The following SLC38A10 variants were observed in gnomAD, a reference collection of about 807,000 sequenced individuals.
SLC38A10 encodes Sodium-coupled neutral amino acid transporter 10.
A neutral mutation model predicts 81.0 loss-of-function variants in SLC38A10; 53 were observed. The ratio of observed to expected loss-of-function variants is 0.65; its 90% CI spans 0.53 to 0.82. The LOEUF is 0.82. SLC38A10 is among the 40% of genes least tolerant of loss of function. The pLI is 0.00. For missense variants in SLC38A10, 1,471 were observed against 1,545.0 expected (o/e 0.95, Z 0.80); for synonymous variants, 665 against 655.3 (o/e 1.01, Z -0.23).
chr17:81,277,241 T>C lies in SLC38A10; in HGVS notation c.627-108A>G, dbSNP rs1168225913. 3 of 930,188 alleles carry C rather than the reference T, an allele frequency of 3.2e-6. No homozygotes were observed. The highest frequency in any genetic ancestry group is 3.4e-6 in the Non-Finnish European group (2 of 591,918). The allele number at this position is 930,188 out of a possible 1,614,324, so 57.6% of individuals were successfully genotyped here. A position where few individuals can be genotyped will look rare whatever the true frequency, so the allele number is the denominator to read the frequency against. ...GCCCAGTGAGAGTCTCTGACCTTCC[T>C]TCATGCAACATTCTCTGCACACTGG... On this transcript the variant is annotated intron_variant, in intron 6 of 15. Coordinates refer to ENST00000374759, the MANE Select transcript of SLC38A10 (RefSeq NM_001037984.3). The surrounding 1 kb of genome is among the most constrained non-coding windows in gnomAD (Gnocchi z 4.5).
chr17:81,245,390 A>C lies in SLC38A10; in HGVS notation c.*166T>G. The C allele has an allele frequency of 1.2e-6, 1 of 839,162 alleles. No individual in the cohort carries two copies. The highest frequency in any genetic ancestry group is 1.8e-6 in the Non-Finnish European group (1 of 556,756). The allele number at this position is 839,162 out of a possible 1,614,324, so 52.0% of individuals were successfully genotyped here. ...GCAAGAACATTCTGGAAACGATGCC[A>C]CAGTGAATCTTTTATACTGTCACTC... On this transcript the variant is annotated 3_prime_UTR_variant, in exon 16 of 16. Coordinates refer to ENST00000374759, the MANE Select transcript of SLC38A10 (RefSeq NM_001037984.3).
chr17:81,261,834 C>T (rs906598132), intron 10 of SLC38A10, among the ~76,000 whole-genome samples: 5 of 152,220 alleles, frequency 3.3e-5, no homozygotes, highest in East Asian at 1.9e-4. Context: ...CCGGAGCAAG[C>T]GGTGACGGCA....
Position 81,265,510 on chromosome 17 carries a change from G to T in SLC38A10, c.1132-5116C>A, listed in dbSNP as rs1298843947. 6.6e-6 allele frequency: 1 copy of T among 152,174 alleles called. No individual in the cohort carries two copies. The highest frequency in any genetic ancestry group is 1.5e-5 in the Non-Finnish European group (1 of 68,030). 9.4% of individuals were successfully genotyped at this position (152,174 alleles called of 1,614,324 possible). On this transcript the variant is annotated intron_variant, in intron 10 of 15. Transcript: ENST00000374759. The surrounding 1 kb of genome is among the most constrained non-coding windows in gnomAD (Gnocchi z 4.2). ...AGCTGGAACATTCCTTCTTTTTCAC[G>T]TCTTTCTCCAGCACAGCCTTGATTC...
In SLC38A10 at chr17:81,252,213, C is replaced by G; in HGVS notation, c.1927G>C (p.Ala643Pro). Reference sequence around the variant, plus strand: ...CACCCACCGTGGTCGCTGTCCTCTGCGGGCTGCCCTGTGTCCCCGGCGGCG... The same window carrying G: ...CACCCACCGTGGTCGCTGTCCTCTGGGGGCTGCCCTGTGTCCCCGGCGGCG... ...GNAAGDTGQP[A>P]EDSDHGGKPP... Residue 643 changes from alanine to proline, a missense_variant, in exon 13 of 16, where the codon GCA becomes CCA. Around this residue, in one of 2 missense-constraint regions of SLC38A10, gnomAD observed 751 missense variants for 717.4 expected, o/e 1.05. Transcript: ENST00000374759. 1 of 1,520,632 alleles carries G rather than the reference C, an allele frequency of 6.6e-7. No homozygotes were observed. Among genetic ancestry groups the G allele is most frequent in the African/African-American group, 1.4e-5 (1 of 72,048 alleles). The allele number at this position is 1,520,632 out of a possible 1,614,324, so 94.2% of individuals were successfully genotyped here. A position where few individuals can be genotyped will look rare whatever the true frequency, so the allele number is the denominator to read the frequency against.
Position 81,272,454 on chromosome 17 carries a change from C to A in SLC38A10, c.1024+62G>T, listed in dbSNP as rs890334933. On this transcript the variant is annotated intron_variant, in intron 9 of 15. Transcript: ENST00000374759. ...GTGCAGGTCTCGTAACTGTGCAGGT[C>A]TTGGTTGATGCCGAAGCCCCGGGTC... 6.4e-6 allele frequency: 7 copies of A among 1,100,288 alleles called. No individual in the cohort carries two copies. The East Asian group carries it at 1.5e-4, about 24-fold the overall frequency. The allele number at this position is 1,100,288 out of a possible 1,614,324, so 68.2% of individuals were successfully genotyped here.
chr17:81,290,456 T>C (rs1488020989), intron 1 of SLC38A10, among the ~76,000 whole-genome samples: 1 of 152,194 alleles, frequency 6.6e-6, no homozygotes. Context: ...ACACCCACCA[T>C]GACACGGATG....
Position 81,280,742 on chromosome 17 carries a change from G to C in SLC38A10, c.502-9C>G, listed in dbSNP as rs781483410. ...AGAGAGGAGAGCACGATCTGCAGAGGGAGAGGGGAGAGAGCACGGGGCAGG... is the reference window on the plus strand; with the variant it reads ...AGAGAGGAGAGCACGATCTGCAGAGCGAGAGGGGAGAGAGCACGGGGCAGG... On this transcript the variant is annotated splice_polypyrimidine_tract_variant and intron_variant, in intron 5 of 15. Transcript: ENST00000374759. 2 of 1,608,796 alleles carry C rather than the reference G, an allele frequency of 1.2e-6. No individual in the cohort carries two copies. Among genetic ancestry groups the C allele is most frequent in the African/African-American group, 2.7e-5 (2 of 74,852 alleles).
rs1288678626 is a variant in SLC38A10 at position 81,265,819 on chromosome 17, C to T, written c.1131+5099G>A. Among the ~76,000 whole-genome samples the T allele has an allele frequency of 2.0e-5, 3 of 152,312 alleles. No individual in the cohort carries two copies. Among genetic ancestry groups the T allele is most frequent in the Non-Finnish European group, 4.4e-5 (3 of 68,028 alleles). On this transcript the variant is annotated intron_variant, in intron 10 of 15. Transcript: ENST00000374759. The surrounding 1 kb of genome is among the most constrained non-coding windows in gnomAD (Gnocchi z 4.2). The stretch of plus-strand genomic sequence containing the variant: ...GCTGAGCGGATGGCACACGGTGGTC[C>T]GCTGGCCCCACGACCTACTGCGGAG...
At chr17:81,268,195 C>T (rs1431504747) in intron 10 of SLC38A10, among the ~76,000 whole-genome samples, 1 of 151,814 alleles carries the variant, frequency 6.6e-6, no homozygotes, top group Non-Finnish European at 1.5e-5. Flanking sequence ...AGGAACAAGG[C>T]CAACTGAAAA....
intron 1 of SLC38A10, among the ~76,000 whole-genome samples, chr17:81,290,168 A>G (rs541706372): frequency 6.6e-6 from 1 of 152,320 alleles, no homozygotes; most frequent in East Asian, 1.9e-4. Context: ...TAATGAACAC[A>G]TTCTGGAAGA....
intron 11 of SLC38A10, among the ~76,000 whole-genome samples, chr17:81,256,131 C>T (rs940493796): frequency 1.3e-5 from 2 of 152,258 alleles, no homozygotes; most frequent in Admixed American, 6.5e-5. Flanking sequence ...CACAAAAACA[C>T]ACACCTTCCT....
Position 81,245,425 on chromosome 17 carries a change from G to T in SLC38A10, c.*131C>A. ...TTTTATACTGTCACTCACACTTGGT[G>T]AGGGCCTCAGACATGAAACCCTGGG... On this transcript the variant is annotated 3_prime_UTR_variant, in exon 16 of 16. Transcript: ENST00000374759. 9.0e-7 allele frequency: 1 copy of T among 1,112,306 alleles called. No individual in the cohort carries two copies. Among genetic ancestry groups the T allele is most frequent in the South Asian group, 1.5e-5 (1 of 65,064 alleles). The allele number at this position is 1,112,306 out of a possible 1,614,324, so 68.9% of individuals were successfully genotyped here.
chr17:81,254,449 A>G (rs763854118), intron 11 of SLC38A10, among the ~76,000 whole-genome samples: 3 of 152,186 alleles, frequency 2.0e-5, no homozygotes, highest in Admixed American at 6.5e-5. Flanking sequence ...TTAAAGTAAC[A>G]AATTCAACTT....
At chr17:81,275,649 G>A (rs957282000) in intron 8 of SLC38A10, among the ~76,000 whole-genome samples, 75 of 147,730 alleles carry the variant, frequency 5.1e-4, no homozygotes, top group African/African-American at 1.9e-3. Flanking sequence ...GGAGAATGGC[G>A]TGAACCCGGG....
intron 9 of SLC38A10, among the ~76,000 whole-genome samples, chr17:81,272,094 G>A (rs552007089): frequency 6.3e-4 from 96 of 151,236 alleles, no homozygotes; most frequent in Admixed American, 3.2e-3. Context: ...GTGCAATGGC[G>A]CAATCTTGGC....
chr17:81,245,618 C>G lies in SLC38A10; in HGVS notation c.3298G>C (p.Ala1100Pro). Reference protein sequence around the residue: ...DAQLRQAAGGALQVVHSRQLR... With the variant: ...DAQLRQAAGGPLQVVHSRQLR... ...TGCCGGCTGTGGACCACCTGCAGAG[C>G]TCCCCCCGCAGCCTGGCGGAGCTGG... is the stretch of plus-strand genomic sequence containing the variant. The change falls in exon 16 of 16, where the codon GCT becomes CCT. Residue 1100 changes from alanine to proline, a missense_variant. Ala to Pro is a conservative substitution (Grantham distance 27). Around this residue, in one of 2 missense-constraint regions of SLC38A10, gnomAD observed 751 missense variants for 717.4 expected, o/e 1.05. Coordinates refer to ENST00000374759, the MANE Select transcript of SLC38A10 (RefSeq NM_001037984.3). 3 of 1,612,224 alleles carry G rather than the reference C, an allele frequency of 1.9e-6. No homozygotes were observed. Among genetic ancestry groups the G allele is most frequent in the Non-Finnish European group, 2.5e-6 (3 of 1,179,774 alleles).
Position 81,286,890 on chromosome 17 carries a change from G to T in SLC38A10, c.218-1995C>A, listed in dbSNP as rs9912623. Reference sequence around the variant, plus strand: ...GGAGGCGGTTTCTAGCCCAGACCACGCATGCCAGGGTTCAGGCACAACTCT... The same window carrying T: ...GGAGGCGGTTTCTAGCCCAGACCACTCATGCCAGGGTTCAGGCACAACTCT... On this transcript the variant is annotated intron_variant, in intron 2 of 15. Transcript: ENST00000374759. The surrounding 1 kb of genome is among the most constrained non-coding windows in gnomAD (Gnocchi z 6.0). Among the ~76,000 whole-genome samples the T allele has an allele frequency of 0.021, 3,194 of 152,242 alleles. 104 individuals carry two copies. Among genetic ancestry groups the T allele is most frequent in the African/African-American group, 0.073 (3,027 of 41,528 alleles).
intron 11 of SLC38A10, among the ~76,000 whole-genome samples, chr17:81,259,910 A>G (rs954028499): frequency 1.3e-5 from 2 of 152,234 alleles, no homozygotes; most frequent in Admixed American, 6.5e-5. Context: ...CCTCAAATGA[A>G]TAACAGCACG....
intron 11 of SLC38A10, among the ~76,000 whole-genome samples, chr17:81,255,968 C>A (rs966222941): frequency 1.3e-5 from 2 of 151,986 alleles, no homozygotes; most frequent in Non-Finnish European, 2.9e-5. Context: ...GGCGACAGAG[C>A]GAGACTCCAT....
Sources: gnomAD v4.1 joint callset for allele counts (sites outside exome capture counted in the v4.1 genomes callset) on GRCh38, gnomAD v4.1.1 for gene constraint, gnomAD v4.1.1 regional missense constraint, Gnocchi (gnomAD v3.1) non-coding constraint, MANE v1.5 for transcripts, NCBI Gene and HGNC (gene_info 2026-07-23, HGNC 2026-07-21) for gene names.